The following DCAF8L2 variants were observed in gnomAD, a reference collection of about 807,000 sequenced individuals.
DCAF8L2 encodes DDB1- and CUL4-associated factor 8-like protein 2.
For missense variants in DCAF8L2, 430 were observed against 490.7 expected, an observed-to-expected ratio of 0.88 and a Z score of 1.17; for synonymous variants, 200 against 190.9, an observed-to-expected ratio of 1.05 and a Z score of -0.39.
At chrX:27,738,321 A>G (rs1425514988) in intron 4 of DCAF8L2, among the ~76,000 whole-genome samples, 1 of 111,554 alleles carries the variant, frequency 9.0e-6, no homozygotes, top group African/African-American at 3.3e-5. Flanking sequence ...GAATCATCCT[A>G]TCCTCCTAAG....
the DCAF8L2 span, among the ~76,000 whole-genome samples, chrX:27,580,464 C>T: frequency 2.7e-5 from 3 of 111,283 alleles, no homozygotes; most frequent in East Asian, 2.8e-4. Flanking sequence ...GTAGAAGTGA[C>T]GGAATCTTTT....
chrX:27,566,749 CT>C, the DCAF8L2 span, among the ~76,000 whole-genome samples: 1 of 108,998 alleles, frequency 9.2e-6, no homozygotes, highest in African/African-American at 3.3e-5. Context: ...TTATTGTTTC[CT>C]TTTTTCTGCT....
chrX:27,631,775 T>C (rs1189643803), intron 1 of DCAF8L2, 104 bp from the exon 2 acceptor site: 6 of 112,267 alleles, frequency 5.3e-5, no homozygotes, highest in Non-Finnish European at 9.4e-5. Context: ...TTCCCAAATA[T>C]TCATGTACCC....
chrX:27,560,166 G>A, the DCAF8L2 span, among the ~76,000 whole-genome samples: 10 of 108,352 alleles, frequency 9.2e-5, no homozygotes, highest in South Asian at 4.2e-4. Flanking sequence ...ACTTGGGAGG[G>A]TGAGGCAGGA....
chrX:27,634,985 T>C (rs867713214), intron 2 of DCAF8L2, among the ~76,000 whole-genome samples: 22 of 82,338 alleles, frequency 2.7e-4, no homozygotes, highest in East Asian at 9.1e-4. Context: ...CACACACACA[T>C]ATATAGAGAG....
At chrX:27,522,382 G>T in the DCAF8L2 span, among the ~76,000 whole-genome samples, 2 of 111,712 alleles carry the variant, frequency 1.8e-5, no homozygotes, top group Admixed American at 1.9e-4. Flanking sequence ...CATGTGTTTT[G>T]TTTTTCCTCT....
chrX:27,737,260 G>A (rs945018294), intron 4 of DCAF8L2, among the ~76,000 whole-genome samples: 2 of 111,306 alleles, frequency 1.8e-5, no homozygotes, highest in African/African-American at 6.5e-5. Context: ...ATTAAAACAC[G>A]CCAAGTTGTG....
At chrX:27,520,506 G>A in the DCAF8L2 span, among the ~76,000 whole-genome samples, 2 of 111,807 alleles carry the variant, frequency 1.8e-5, no homozygotes, top group South Asian at 7.4e-4. Context: ...GGTAAGAATC[G>A]TTTTAACTCT....
At chrX:27,540,561 C>A in the DCAF8L2 span, among the ~76,000 whole-genome samples, 1 of 111,409 alleles carries the variant, frequency 9.0e-6, no homozygotes, top group African/African-American at 3.3e-5. Context: ...TTACTAGAGG[C>A]TAAGAAGGGT....
intron 3 of DCAF8L2, among the ~76,000 whole-genome samples, chrX:27,691,685 T>G (rs1930718223): frequency 8.9e-6 from 1 of 112,161 alleles, no homozygotes; most frequent in Non-Finnish European, 1.9e-5. Flanking sequence ...CTATTATTTC[T>G]ATTTTATAAA....
chrX:27,549,198 TTTAA>T, the DCAF8L2 span, among the ~76,000 whole-genome samples: 6 of 111,986 alleles, frequency 5.4e-5, no homozygotes, highest in African/African-American at 1.9e-4. Flanking sequence ...TTTATTCTAT[TTTAA>T]TTATGAAATA....
the DCAF8L2 span, among the ~76,000 whole-genome samples, chrX:27,565,508 T>C: frequency 5.4e-5 from 6 of 112,098 alleles, no homozygotes; most frequent in Non-Finnish European, 9.4e-5. Context: ...TTTTGGTCTG[T>C]AGTTTTCTTG....
the DCAF8L2 span, among the ~76,000 whole-genome samples, chrX:27,585,028 G>A: frequency 4.8e-5 from 5 of 103,440 alleles, no homozygotes; most frequent in Non-Finnish European, 9.7e-5. Context: ...GAGAACCCTG[G>A]TGAACTTTAT....
At chrX:27,604,328 C>T (rs1926781066) in intron 1 of DCAF8L2, among the ~76,000 whole-genome samples, 1 of 110,874 alleles carries the variant, frequency 9.0e-6, no homozygotes, top group Non-Finnish European at 1.9e-5. Flanking sequence ...AAATTACATA[C>T]TTTAGGGCAT....
intron 3 of DCAF8L2, among the ~76,000 whole-genome samples, chrX:27,707,466 A>T (rs969470175): frequency 8.9e-6 from 1 of 111,778 alleles, no homozygotes; most frequent in Non-Finnish European, 1.9e-5. Flanking sequence ...CTTAACAATC[A>T]TAACATTTAG....
In DCAF8L2 at chrX:27,655,626, CTT is replaced by C. The variant is rs765940320; in HGVS notation, c.-219-22209_-219-22208del. Among the ~76,000 whole-genome samples, 4 of 111,834 alleles carry C rather than the reference CTT, an allele frequency of 3.6e-5. No individual in the cohort carries two copies. In the East Asian group the frequency reaches 8.4e-4, roughly 24 times the overall value. ...AACTATTATTATTATTATTTTATCT[CTT>C]ATGATAAGATTGTTCCACATTTCTT... On this transcript the variant is annotated intron_variant, in intron 2 of 4. Coordinates refer to ENST00000451261, the MANE Select transcript of DCAF8L2 (RefSeq NM_001353450.2).
intron 4 of DCAF8L2, among the ~76,000 whole-genome samples, chrX:27,717,104 G>A (rs1931726983): frequency 1.8e-5 from 2 of 112,337 alleles, no homozygotes; most frequent in Non-Finnish European, 3.8e-5. Flanking sequence ...TAGTGTATAT[G>A]TACAACATTT....
At chrX:27,745,214 T>C (rs966869451) in intron 4 of DCAF8L2, among the ~76,000 whole-genome samples, 8 of 112,554 alleles carry the variant, frequency 7.1e-5, no homozygotes, top group African/African-American at 1.6e-4. Flanking sequence ...GGATAAGATA[T>C]AAATATTGCC....
intron 1 of DCAF8L2, among the ~76,000 whole-genome samples, chrX:27,622,823 G>T (rs765259097): frequency 9.0e-6 from 1 of 110,903 alleles, no homozygotes; most frequent in Middle Eastern, 4.2e-3. Flanking sequence ...GGAGTTATTT[G>T]GGTTGATGAC....
Sources: allele counts gnomAD v4.1 joint callset (sites outside exome capture counted in the v4.1 genomes callset), GRCh38; gene constraint gnomAD v4.1.1; transcripts MANE v1.5; gene names NCBI Gene and HGNC (gene_info 2026-07-23, HGNC 2026-07-21).